Variants in HOOK1 observed in about 807,000 individuals in gnomAD.
The protein encoded by HOOK1 is protein Hook homolog 1.
HOOK1 carries 60 observed loss-of-function variants against 112.8 expected under a neutral mutation model. That is an observed-to-expected ratio of 0.53 (90% confidence interval 0.43 to 0.66). HOOK1 has a LOEUF of 0.66. Ranked by LOEUF, HOOK1 falls within the 30% of genes least tolerant of loss-of-function variation. The probability of loss-of-function intolerance (pLI) is 0.00; values close to 1 mark genes in which losing one functional copy is unlikely to be tolerated. For missense variants in HOOK1, 770 were observed against 856.0 expected (o/e 0.90, Z 1.25); for synonymous variants, 294 against 283.8 (o/e 1.04, Z -0.36).
intron 3 of HOOK1, among the ~76,000 whole-genome samples, chr1:59,830,068 G>C (rs1031114877): frequency 5.9e-5 from 9 of 151,992 alleles, no homozygotes; most frequent in African/African-American, 1.9e-4. Context: ...ACAATACTCT[G>C]TATTGAGAAG....
rs953543188 is a variant in HOOK1 at position 59,871,026 on chromosome 1, C to T, written c.1948-16C>T. ...TAATTTCTGGGATTTTAATTGTTCT[C>T]ATATCTTTTTTCCAGAGTGAATGCA... On this transcript the variant is annotated splice_polypyrimidine_tract_variant and intron_variant, in intron 20 of 21. Transcript: ENST00000371208. 6.5e-7 allele frequency: 1 copy of T among 1,542,502 alleles called. No homozygotes were observed. Among genetic ancestry groups the T allele is most frequent in the Non-Finnish European group, 9.0e-7 (1 of 1,116,380 alleles).
At position 59,873,084 on chromosome 1, in the gene HOOK1, G is replaced by A. The variant is rs1395468076; in HGVS notation, c.*119G>A. Reference sequence around the variant, plus strand: ...AAGAGTTTATGATGCGGGATATCAGGTATTTTAAAATCAACATGCATCAAA... The same window carrying A: ...AAGAGTTTATGATGCGGGATATCAGATATTTTAAAATCAACATGCATCAAA... On this transcript the variant is annotated 3_prime_UTR_variant, in exon 22 of 22. Transcript: ENST00000371208. 2.4e-6 allele frequency: 2 copies of A among 832,216 alleles called. No individual in the cohort carries two copies. Among genetic ancestry groups the A allele is most frequent in the Non-Finnish European group, 3.3e-6 (2 of 602,740 alleles). The allele number at this position is 832,216 out of a possible 1,614,324, so 51.6% of individuals were successfully genotyped here.
rs774964535 is a variant in HOOK1, at chr1:59,868,352, G to A, written c.1947+1G>A. On this transcript the variant is annotated splice_donor_variant, in intron 20 of 21. Coordinates refer to ENST00000371208, the MANE Select transcript of HOOK1 (RefSeq NM_015888.6). LOFTEE classifies it high-confidence loss of function. ...AGAGAGAAGAATTGAGATTCTGGAG[G>A]TAAAACTTTTATATTTACTCATCTT... 1.3e-6 allele frequency: 2 copies of A among 1,540,158 alleles called. No individual in the cohort carries two copies. Among genetic ancestry groups the A allele is most frequent in the Non-Finnish European group, 9.0e-7 (1 of 1,115,288 alleles).
At chr1:59,864,998 A>G (rs1392352547) in intron 17 of HOOK1, 165 bp from the exon 18 acceptor site, 1 of 583,518 alleles carries the variant, frequency 1.7e-6, no homozygotes, top group African/African-American at 1.9e-5. Flanking sequence ...CCTTTTTGGC[A>G]CCTGCCGTGT....
At chr1:59,843,948 A>C (rs912065562) in intron 9 of HOOK1, among the ~76,000 whole-genome samples, 3 of 152,010 alleles carry the variant, frequency 2.0e-5, no homozygotes, top group African/African-American at 7.2e-5. Context: ...AAAAAATGTA[A>C]ATCGTAAGCC....
intron 11 of HOOK1, 122 bp downstream of exon 11, chr1:59,848,638 T>C (rs2098405478): frequency 1.6e-6 from 1 of 620,984 alleles, no homozygotes; most frequent in Non-Finnish European, 2.7e-6. Context: ...TATGAACTTA[T>C]TCTGATGAAT....
intron 12 of HOOK1, among the ~76,000 whole-genome samples, chr1:59,849,790 C>T (rs1369113257): frequency 1.3e-5 from 2 of 151,610 alleles, no homozygotes; most frequent in Admixed American, 1.3e-4. Flanking sequence ...TAGCATATAT[C>T]AGTGCTGTAT....
At chr1:59,868,037 T>C (rs1643997183) in intron 19 of HOOK1, among the ~76,000 whole-genome samples, 1 of 152,168 alleles carries the variant, frequency 6.6e-6, no homozygotes, top group South Asian at 2.1e-4. Context: ...TGGGGACATT[T>C]ATATTTTTGT....
intron 19 of HOOK1, among the ~76,000 whole-genome samples, chr1:59,866,693 C>T (rs1643973916): frequency 6.6e-6 from 1 of 152,210 alleles, no homozygotes; most frequent in African/African-American, 2.4e-5. Context: ...TTCACTCCCA[C>T]TTTGGAGCGC....
intron 5 of HOOK1, among the ~76,000 whole-genome samples, chr1:59,835,075 C>T (rs1034068514): frequency 6.6e-6 from 1 of 152,080 alleles, no homozygotes; most frequent in African/African-American, 2.4e-5. Flanking sequence ...TAAAAGCTTT[C>T]ACACTTTTGT....
chr1:59,839,828 G>A (rs1003669102), intron 7 of HOOK1, among the ~76,000 whole-genome samples: 10 of 152,114 alleles, frequency 6.6e-5, no homozygotes, highest in African/African-American at 2.2e-4. Context: ...CTGTGGTTTT[G>A]TCATAAATAG....
chr1:59,839,782 A>G (rs1232591423), intron 7 of HOOK1, among the ~76,000 whole-genome samples: 2 of 152,148 alleles, frequency 1.3e-5, no homozygotes, highest in Non-Finnish European at 2.9e-5. Flanking sequence ...TTCAAAGGGA[A>G]TGCTTCCAGT....
intron 15 of HOOK1, among the ~76,000 whole-genome samples, chr1:59,862,279 G>C (rs563612757): frequency 2.0e-5 from 3 of 152,130 alleles, no homozygotes; most frequent in Non-Finnish European, 2.9e-5. Context: ...TAACTCTTAA[G>C]CACAGTTTTA....
chr1:59,835,470 T>C (rs1277549929), intron 6 of HOOK1, 58 bp downstream of exon 6: 33 of 952,244 alleles, frequency 3.5e-5, no homozygotes, highest in Non-Finnish European at 5.4e-5. Flanking sequence ...ATACAAAACT[T>C]TTCATACTTT....
chr1:59,873,269 A>G lies in HOOK1; in HGVS notation c.*304A>G, dbSNP rs1161362886. 1 of 201,524 alleles carries G rather than the reference A, an allele frequency of 5.0e-6. No individual in the cohort carries two copies. The highest frequency in any genetic ancestry group is 9.9e-6 in the Non-Finnish European group (1 of 101,288). The allele number at this position is 201,524 out of a possible 1,614,324, so 12.5% of individuals were successfully genotyped here. A position where few individuals can be genotyped will look rare whatever the true frequency, so the allele number is the denominator to read the frequency against. ...CAAATTGGCCTTGTATATTTTAGTT[A>G]AATGTTTTCAGTTGTATTAGTAACT... On this transcript the variant is annotated 3_prime_UTR_variant, in exon 22 of 22. Transcript: ENST00000371208.
Position 59,840,405 on chromosome 1 carries a change from C to T in HOOK1, c.621+14C>T. The T allele has an allele frequency of 6.6e-7, 1 of 1,516,756 alleles. No individual in the cohort carries two copies. The allele number at this position is 1,516,756 out of a possible 1,614,324, so 94.0% of individuals were successfully genotyped here. ...TTGGATATGCAGGTACGGGAAAAAA[C>T]CCTGAGCTGAGAAAAACTTCCTCTT... On this transcript the variant is annotated intron_variant, in intron 8 of 21. Transcript: ENST00000371208.
chr1:59,827,246 G>C (rs2098390689), intron 2 of HOOK1, among the ~76,000 whole-genome samples: 1 of 152,132 alleles, frequency 6.6e-6, no homozygotes, highest in Non-Finnish European at 1.5e-5. Flanking sequence ...CAACTGATTG[G>C]ATGAGACCCA....
At chr1:59,822,578 T>C (rs1311560096) in intron 2 of HOOK1, among the ~76,000 whole-genome samples, 1 of 152,184 alleles carries the variant, frequency 6.6e-6, no homozygotes, top group Non-Finnish European at 1.5e-5. Context: ...TTGCCAACAT[T>C]GTTTAAGGGT....
intron 9 of HOOK1, among the ~76,000 whole-genome samples, chr1:59,843,958 CAAGT>C (rs1212462886): frequency 6.6e-6 from 1 of 151,860 alleles, no homozygotes; most frequent in Non-Finnish European, 1.5e-5. Context: ...AATCGTAAGC[CAAGT>C]AGGTGCTTTT....
Sources: allele counts gnomAD v4.1 joint callset (sites outside exome capture counted in the v4.1 genomes callset), GRCh38; gene constraint gnomAD v4.1.1; transcripts MANE v1.5; gene names NCBI Gene and HGNC (gene_info 2026-07-23, HGNC 2026-07-21).